The following REXO5 variants were observed in gnomAD, a reference collection of about 807,000 sequenced individuals.
REXO5 encodes the protein exonuclease NEF-sp.
A neutral mutation model predicts 88.5 loss-of-function variants in REXO5; 48 were observed. The ratio of observed to expected loss-of-function variants is 0.54; its 90% CI spans 0.43 to 0.69. REXO5 has a LOEUF of 0.69. Ranked by LOEUF, REXO5 falls within the 30% of genes least tolerant of loss-of-function variation. The pLI, the probability that REXO5 is intolerant of heterozygous loss-of-function variation, is 0.00. For missense variants in REXO5, 749 were observed against 912.2 expected (o/e 0.82, Z 2.30); for synonymous variants, 311 against 336.5 (o/e 0.92, Z 0.83).
intron 13 of REXO5, among the ~76,000 whole-genome samples, chr16:20,834,702 G>A (rs71374834): frequency 6.6e-6 from 1 of 151,912 alleles, no homozygotes; most frequent in African/African-American, 2.4e-5. Context: ...CTATGTCTTA[G>A]GTTTCTAATT....
intron 7 of REXO5, 41 bp from the exon 8 acceptor site, chr16:20,825,792 C>T (rs767924809): frequency 2.1e-6 from 3 of 1,400,256 alleles, no homozygotes; most frequent in Non-Finnish European, 3.0e-6. Flanking sequence ...GAAGCAATAA[C>T]TTCCACAGTT....
intron 15 of REXO5, among the ~76,000 whole-genome samples, chr16:20,842,480 TTG>T (rs1491316168): frequency 1.7e-4 from 24 of 137,688 alleles, no homozygotes; most frequent in African/African-American, 6.0e-4. Flanking sequence ...TTTGTTTTGT[TTG>T]TTTTTTTTTT....
chr16:20,842,404 A>T (rs1162940831), intron 15 of REXO5, among the ~76,000 whole-genome samples: 6 of 151,488 alleles, frequency 4.0e-5, no homozygotes, highest in Non-Finnish European at 7.4e-5. Flanking sequence ...ATTCCATTTC[A>T]TGTATATACC....
chr16:20,849,303 C>A, intron 19 of REXO5, 96 bp from the exon 20 acceptor site: 1 of 1,203,644 alleles, frequency 8.3e-7, no homozygotes, highest in Non-Finnish European at 1.2e-6. Context: ...ATGGCACACA[C>A]ACATACTTGG....
intron 15 of REXO5, among the ~76,000 whole-genome samples, chr16:20,842,692 A>G (rs2081548693): frequency 6.6e-6 from 1 of 152,006 alleles, no homozygotes; most frequent in Non-Finnish European, 1.5e-5. Context: ...TGGACTCAAG[A>G]GATCCACCCA....
intron 3 of REXO5, among the ~76,000 whole-genome samples, chr16:20,813,533 C>T (rs1030402014): frequency 6.6e-6 from 1 of 152,104 alleles, no homozygotes; most frequent in African/African-American, 2.4e-5. Context: ...TCAAAGATGG[C>T]AGCTATCCCT....
Position 20,806,677 on chromosome 16 carries a change from G to T in REXO5, c.-31G>T. ...CTTCTTTGCCAGGCAGACGCCCGTT[G>T]TAGCCGTTGGGGAACCGTTGAGAAT... is the stretch of plus-strand genomic sequence containing the variant. On this transcript the variant is annotated 5_prime_UTR_variant, in exon 1 of 20. Transcript: ENST00000261377. 1 of 1,080,702 alleles carries T rather than the reference G, an allele frequency of 9.3e-7. No homozygotes were observed. The highest frequency in any genetic ancestry group is 1.3e-6 in the Non-Finnish European group (1 of 778,346). The allele number at this position is 1,080,702 out of a possible 1,614,324, so 66.9% of individuals were successfully genotyped here.
Position 20,841,469 on chromosome 16 carries a change from A to G in REXO5, c.1626+1001A>G, listed in dbSNP as rs2081526906. Among the ~76,000 whole-genome samples, 3 of 152,178 alleles carry G rather than the reference A, an allele frequency of 2.0e-5. No homozygotes were observed. In the South Asian group the frequency reaches 6.2e-4, roughly 32 times the overall value. On this transcript the variant is annotated intron_variant, in intron 15 of 19. Coordinates refer to ENST00000261377, the MANE Select transcript of REXO5 (RefSeq NM_030941.3). The stretch of plus-strand genomic sequence containing the variant: ...TAGGGGAAGACTTCACTGTAAATAT[A>G]TTGTTCCTTTAGAATTCGGAACTAG...
intron 15 of REXO5, among the ~76,000 whole-genome samples, chr16:20,841,619 T>C (rs919254827): frequency 6.6e-6 from 1 of 152,158 alleles, no homozygotes; most frequent in Non-Finnish European, 1.5e-5. Flanking sequence ...TTAATTTTTA[T>C]TTTATTTTTA....
At chr16:20,837,966 A>G (rs915359310) in intron 13 of REXO5, among the ~76,000 whole-genome samples, 4 of 151,924 alleles carry the variant, frequency 2.6e-5, no homozygotes, top group African/African-American at 9.7e-5. Context: ...AGGTCTCATT[A>G]TGTTGCCCAG....
intron 13 of REXO5, among the ~76,000 whole-genome samples, chr16:20,835,906 A>G (rs2081421444): frequency 1.3e-5 from 2 of 152,080 alleles, no homozygotes; most frequent in South Asian, 4.1e-4. Flanking sequence ...CAGGCCTGGT[A>G]GCACATGCCT....
intron 13 of REXO5, among the ~76,000 whole-genome samples, chr16:20,835,788 C>T (rs2081419360): frequency 6.6e-6 from 1 of 152,092 alleles, no homozygotes; most frequent in East Asian, 1.9e-4. Flanking sequence ...TAGTTTACAC[C>T]TGTAATCTCA....
intron 1 of REXO5, 30 bp from the exon 2 acceptor site, chr16:20,806,922 T>C (rs2080889388): frequency 6.4e-7 from 1 of 1,558,106 alleles, no homozygotes; most frequent in Non-Finnish European, 8.7e-7. Flanking sequence ...CGCTGGAGTT[T>C]CCCCAGCTCT....
chr16:20,849,345 C>A, intron 19 of REXO5, 54 bp from the exon 20 acceptor site: 2 of 1,501,792 alleles, frequency 1.3e-6, no homozygotes, highest in South Asian at 1.1e-5. Context: ...GCATTTATAA[C>A]CATTCATTCA....
Position 20,832,232 on chromosome 16 carries a change from CAGA to C in REXO5, c.1238_1240del (p.Glu413del), listed in dbSNP as rs1280669583. 6.2e-7 allele frequency: 1 copy of C among 1,610,978 alleles called. No homozygotes were observed. ...GCAGGCCAAGAGCCTAAAAACACAG[CAGA>C]AGTACTTCAGCACCCAAACACAAGG... On this transcript the variant is annotated inframe_deletion, in exon 12 of 20. Coordinates refer to ENST00000261377, the MANE Select transcript of REXO5 (RefSeq NM_030941.3).
chr16:20,829,495 A>G (rs1046478965), intron 11 of REXO5, among the ~76,000 whole-genome samples: 2 of 152,200 alleles, frequency 1.3e-5, no homozygotes, highest in African/African-American at 4.8e-5. Context: ...TGCATAGTAC[A>G]TTCCATCATG....
chr16:20,838,281 CAT>C (rs1443374770), intron 13 of REXO5, among the ~76,000 whole-genome samples: 3 of 152,036 alleles, frequency 2.0e-5, no homozygotes, highest in African/African-American at 7.2e-5. Flanking sequence ...TAGTAAAAAA[CAT>C]AAAATTTACC....
At chr16:20,834,224 C>T (rs2081389665) in intron 13 of REXO5, among the ~76,000 whole-genome samples, 1 of 152,158 alleles carries the variant, frequency 6.6e-6, no homozygotes, top group Non-Finnish European at 1.5e-5. Flanking sequence ...CTCTTTTGTG[C>T]TGTTTATTTT....
chr16:20,827,436 A>T lies in REXO5; in HGVS notation c.1044A>T (p.Lys348Asn). Residue 348 changes from lysine (K) to asparagine (N), a missense_variant, in exon 10 of 20, where the codon AAA becomes AAT. Lys to Asn is a moderately conservative substitution (Grantham distance 94, BLOSUM62 0). Transcript: ENST00000261377. Reference sequence around the variant, plus strand: ...GATTTAAGCTCAAGTTCTTAGCCAAAGTTATTTTGGGGTAGGTTTGCTTAT... The same window carrying T: ...GATTTAAGCTCAAGTTCTTAGCCAATGTTATTTTGGGGTAGGTTTGCTTAT... ...GRRFKLKFLAKVILGKDIQCP... is the reference protein window; with the variant it reads ...GRRFKLKFLANVILGKDIQCP... 6.2e-7 allele frequency: 1 copy of T among 1,612,768 alleles called. No homozygotes were observed.
Sources: gnomAD v4.1 joint callset for allele counts (sites outside exome capture counted in the v4.1 genomes callset) on GRCh38, gnomAD v4.1.1 for gene constraint, MANE v1.5 for transcripts, NCBI Gene and HGNC (gene_info 2026-07-23, HGNC 2026-07-21) for gene names.